NEU3: variants seen among roughly 807,000 people sequenced by gnomAD.
NEU3 encodes the protein neuraminidase 3.
In NEU3, 10 loss-of-function variants were observed where a neutral mutation model predicts 11.4. That is an observed-to-expected ratio of 0.88 (90% CI 0.54 to 1.49). NEU3 has a LOEUF of 1.49. Among genes scored for constraint, NEU3 ranks in the 40% most tolerant of loss-of-function variants. The pLI is 0.00. For synonymous variants in NEU3, 212 were observed against 228.2 expected, an observed-to-expected ratio of 0.93 and a Z score of 0.64; for missense variants, 529 against 581.8, an observed-to-expected ratio of 0.91 and a Z score of 0.93.
downstream of NEU3, among the ~76,000 whole-genome samples, chr11:75,011,291 T>TAA (rs1948953729): frequency 6.6e-6 from 1 of 152,374 alleles, no homozygotes; most frequent in East Asian, 1.9e-4. Context: ...AAATATTTAT[T>TAA]AACAGCCAAA....
chr11:74,995,088 G>T, intron 2 of NEU3: 1 of 528,214 alleles, frequency 1.9e-6, no homozygotes, highest in Non-Finnish European at 3.4e-6. Context: ...GCTAACGTAT[G>T]ATGTGCCTTT....
chr11:74,984,775 C>T (rs1014622420), upstream of NEU3, among the ~76,000 whole-genome samples: 14 of 152,176 alleles, frequency 9.2e-5, no homozygotes. Flanking sequence ...CTGAGAGTGT[C>T]AGACACTTAG....
chr11:74,987,225 G>A (rs1948673780), upstream of NEU3, among the ~76,000 whole-genome samples: 1 of 152,194 alleles, frequency 6.6e-6, no homozygotes, highest in African/African-American at 2.4e-5. Flanking sequence ...ATAAAAAGCT[G>A]CTTTCCTTAG....
chr11:75,001,640 A>G (rs1485686333), intron 2 of NEU3, among the ~76,000 whole-genome samples: 1 of 152,128 alleles, frequency 6.6e-6, no homozygotes, highest in Middle Eastern at 3.2e-3. Context: ...AACCTGTTTT[A>G]TCTCTGTCAA....
At chr11:74,999,159 G>A (rs1288523809) in intron 2 of NEU3, among the ~76,000 whole-genome samples, 3 of 152,010 alleles carry the variant, frequency 2.0e-5, no homozygotes, top group Admixed American at 6.6e-5. Flanking sequence ...GTCTAGAGAC[G>A]AGCCCTCTCT....
chr11:74,990,426 G>A (rs567888467), intron 1 of NEU3, among the ~76,000 whole-genome samples: 7 of 151,964 alleles, frequency 4.6e-5, no homozygotes, highest in African/African-American at 1.7e-4. Context: ...GTGCAGTCTC[G>A]GCTCACTGCA....
In NEU3 at chr11:74,988,943, C is replaced by T. The variant is rs1268634479; in HGVS notation, c.-118C>T. 1 of 785,008 alleles carries T rather than the reference C, an allele frequency of 1.3e-6. No individual in the cohort carries two copies. The highest frequency in any genetic ancestry group is 1.8e-5 in the African/African-American group (1 of 55,188). 48.6% of individuals were successfully genotyped at this position (785,008 alleles called of 1,614,324 possible). A position where few individuals can be genotyped will look rare whatever the true frequency, so the allele number is the denominator to read the frequency against. ...TTACCTGTTTCCGGCAGTCGACACGCTCTTCGCTTCTCGGGGCTTGTCTCC... is the reference window on the plus strand; with the variant it reads ...TTACCTGTTTCCGGCAGTCGACACGTTCTTCGCTTCTCGGGGCTTGTCTCC... On this transcript the variant is annotated 5_prime_UTR_variant, in exon 1 of 3. Coordinates refer to ENST00000294064, the MANE Select transcript of NEU3 (RefSeq NM_006656.6).
intron 2 of NEU3, among the ~76,000 whole-genome samples, chr11:74,998,547 A>C (rs962247941): frequency 8.5e-5 from 13 of 152,338 alleles, no homozygotes; most frequent in African/African-American, 3.1e-4. Flanking sequence ...CATAGTAGGC[A>C]CTTTAATACT....
At chr11:75,017,146 C>T (rs1348448085) in intron 3 of NEU3, among the ~76,000 whole-genome samples, 1 of 152,192 alleles carries the variant, frequency 6.6e-6, no homozygotes, top group Non-Finnish European at 1.5e-5. Context: ...CTATAATGTC[C>T]TTACAACTCT....
At chr11:74,982,143 A>T in the NEU3 span, among the ~76,000 whole-genome samples, 2 of 152,236 alleles carry the variant, frequency 1.3e-5, no homozygotes, top group Admixed American at 1.3e-4. Context: ...AACTAAAAAC[A>T]TTAGCTGTTT....
At chr11:75,014,938 T>C (rs1195489947), downstream of NEU3, among the ~76,000 whole-genome samples, 1 of 152,194 alleles carries the variant, frequency 6.6e-6, no homozygotes, top group East Asian at 1.9e-4. Flanking sequence ...TAAAACTTTT[T>C]TAGATAAAAG....
At position 75,005,656 on chromosome 11, in the gene NEU3, T is replaced by C; in HGVS notation, c.550T>C (p.Ser184Pro). 6.2e-7 allele frequency: 1 copy of C among 1,614,006 alleles called. No homozygotes were observed. ...VRDLTEEVIG[S>P]ELKHWATFAV... Reference sequence around the variant, plus strand: ...GGACTTGACTGAGGAGGTCATTGGCTCAGAGCTGAAGCACTGGGCCACATT... The same window carrying C: ...GGACTTGACTGAGGAGGTCATTGGCCCAGAGCTGAAGCACTGGGCCACATT... Residue 184 changes from serine to proline, a missense_variant, in exon 3 of 3, where the codon TCA (serine) becomes CCA (proline). By Grantham distance (74) the Ser-to-Pro change is moderately conservative. Transcript: ENST00000294064.
chr11:75,014,722 A>G (rs2140259191), downstream of NEU3, among the ~76,000 whole-genome samples: 1 of 152,146 alleles, frequency 6.6e-6, no homozygotes, highest in East Asian at 1.9e-4. Context: ...AAAATTAGCC[A>G]GGTGTAGGGG....
chr11:75,015,292 C>T (rs1358902801), downstream of NEU3, among the ~76,000 whole-genome samples: 1 of 152,208 alleles, frequency 6.6e-6, no homozygotes. Flanking sequence ...CAAACCGTCA[C>T]CAGACACCAA....
At chr11:74,987,485 G>T (rs1403408634), upstream of NEU3, among the ~76,000 whole-genome samples, 1 of 151,800 alleles carries the variant, frequency 6.6e-6, no homozygotes, top group Non-Finnish European at 1.5e-5. Flanking sequence ...TTTTTTCATG[G>T]AACCCTGGTT....
At chr11:74,983,498 C>A (rs557908452), upstream of NEU3, among the ~76,000 whole-genome samples, 1 of 152,294 alleles carries the variant, frequency 6.6e-6, no homozygotes, top group East Asian at 1.9e-4. Flanking sequence ...CCAAGAGTGA[C>A]CTTTAAAAAG....
intron 1 of NEU3, chr11:74,990,155 T>C: frequency 1.6e-6 from 1 of 631,276 alleles, no homozygotes; most frequent in Admixed American, 2.6e-5. Context: ...CAGTTTAAAA[T>C]TTATAAAACA....
chr11:74,983,995 A>T (rs1478878140), upstream of NEU3, among the ~76,000 whole-genome samples: 1 of 152,162 alleles, frequency 6.6e-6, no homozygotes, highest in Middle Eastern at 3.4e-3. Context: ...ATCCTGTTAC[A>T]TAGAGTTCTG....
At chr11:75,011,591 C>A (rs1473984435), downstream of NEU3, among the ~76,000 whole-genome samples, 2 of 152,168 alleles carry the variant, frequency 1.3e-5, no homozygotes, top group Non-Finnish European at 2.9e-5. Flanking sequence ...GGGAGCCAGG[C>A]AGAAACTGAT....
Sources: gnomAD v4.1 joint callset for allele counts (sites outside exome capture counted in the v4.1 genomes callset) on GRCh38, gnomAD v4.1.1 for gene constraint, MANE v1.5 for transcripts, NCBI Gene and HGNC (gene_info 2026-07-23, HGNC 2026-07-21) for gene names.